OXTR: variants seen among roughly 807,000 people sequenced by gnomAD.
OXTR encodes the protein oxytocin receptor.
OXTR carries 19 observed loss-of-function variants against 23.9 expected under a neutral mutation model. The ratio of observed to expected loss-of-function variants is 0.80; its 90% CI spans 0.56 to 1.17. The LOEUF is 1.17. Ranked by LOEUF, OXTR falls within the 50% of genes most tolerant of loss-of-function variation. OXTR has a pLI of 0.00. For synonymous variants in OXTR, 278 were observed against 250.5 expected, an observed-to-expected ratio of 1.11 and a Z score of -1.04; for missense variants, 500 against 550.7, an observed-to-expected ratio of 0.91 and a Z score of 0.92.
chr3:8,766,908 A>G (rs1219329076), intron 3 of OXTR, among the ~76,000 whole-genome samples: 3 of 152,186 alleles, frequency 2.0e-5, no homozygotes, highest in Non-Finnish European at 4.4e-5. Context: ...ACCACGTGGG[A>G]AAGCAGATGG....
At chr3:8,761,432 C>T (rs921180132) in intron 3 of OXTR, among the ~76,000 whole-genome samples, 7 of 152,072 alleles carry the variant, frequency 4.6e-5, no homozygotes, top group African/African-American at 7.2e-5. Context: ...GCAGGTCCAG[C>T]GATCTAACAA....
In OXTR at chr3:8,767,632, C is replaced by T. The variant is rs761299103; in HGVS notation, c.556G>A (p.Asp186Asn). 2 of 1,613,028 alleles carry T rather than the reference C, an allele frequency of 1.2e-6. No homozygotes were observed. The highest frequency in any genetic ancestry group is 2.2e-5 in the South Asian group (2 of 91,050). The change falls in exon 3 of 4, where the codon GAC (aspartate) becomes AAC (asparagine). Residue 186 changes from aspartate (D) to asparagine (N), a missense_variant. Asp to Asn is a conservative substitution (Grantham distance 23, BLOSUM62 1). Transcript: ENST00000316793. ...SLREVADGVF[D>N]CWAVFIQPWG... The stretch of plus-strand genomic sequence containing the variant: ...GGCTGGATGAAGACGGCCCAGCAGT[C>T]GAAGACGCCGTCAGCCACCTCGCGC...
chr3:8,746,943 T>C (rs1708183274), downstream of OXTR, among the ~76,000 whole-genome samples: 1 of 152,178 alleles, frequency 6.6e-6, no homozygotes, highest in Non-Finnish European at 1.5e-5. Flanking sequence ...ATGCTGTATA[T>C]TTCTCTCAGA....
At chr3:8,760,321 C>T (rs141731521) in intron 3 of OXTR, among the ~76,000 whole-genome samples, 137 of 152,334 alleles carry the variant, frequency 9.0e-4, no homozygotes, top group Non-Finnish European at 1.6e-3. Flanking sequence ...TGGGTGTACC[C>T]AGAACTCTGT....
intron 3 of OXTR, among the ~76,000 whole-genome samples, chr3:8,756,257 C>A (rs533180342): frequency 6.6e-6 from 1 of 152,268 alleles, no homozygotes; most frequent in South Asian, 2.1e-4. Flanking sequence ...GAGGATGTGA[C>A]AATGCTGACC....
chr3:8,746,536 G>A (rs1243746288), downstream of OXTR: 1 of 152,138 alleles, frequency 6.6e-6, no homozygotes, highest in Non-Finnish European at 1.5e-5. Flanking sequence ...GGAGGAAAAT[G>A]ACCCTTGGGC....
intron 3 of OXTR, among the ~76,000 whole-genome samples, chr3:8,762,189 C>T (rs13326924): frequency 0.033 from 5,099 of 152,276 alleles, 295 homozygotes; most frequent in African/African-American, 0.11. Flanking sequence ...ATCCGAGGCC[C>T]TCCACAACCC....
At chr3:8,744,707 C>T in the OXTR span, 6 of 152,170 alleles carry the variant, frequency 3.9e-5, no homozygotes, top group South Asian at 2.1e-4. Context: ...GCCTGTTCAC[C>T]ATCCAATCCA....
intron 3 of OXTR, among the ~76,000 whole-genome samples, chr3:8,757,207 GA>G (rs113664859): frequency 1.3e-5 from 2 of 149,728 alleles, no homozygotes; most frequent in East Asian, 1.9e-4. Context: ...TTGAGAAAAT[GA>G]AAAAAAAATT....
In OXTR at chr3:8,768,374, T is replaced by C. The variant is rs201266922; in HGVS notation, c.-142-45A>G. 2 of 950,512 alleles carry C rather than the reference T, an allele frequency of 2.1e-6. No individual in the cohort carries two copies. The highest frequency in any genetic ancestry group is 2.7e-6 in the Non-Finnish European group (2 of 739,526). 58.9% of individuals were successfully genotyped at this position (950,512 alleles called of 1,614,324 possible). ...CCGTGAGGAGACCGCCGCGTTTCTC[T>C]TCCGACGCGGGTAGGGCGTGCTTGT... On this transcript the variant is annotated intron_variant, in intron 2 of 3. Transcript: ENST00000316793. This position sits in a 1 kb window ranked among gnomAD's most constrained non-coding sequence, Gnocchi z 5.4.
At chr3:8,766,496 C>T (rs945862139) in intron 3 of OXTR, among the ~76,000 whole-genome samples, 1 of 152,162 alleles carries the variant, frequency 6.6e-6, no homozygotes, top group Non-Finnish European at 1.5e-5. Context: ...ATCACCCAGC[C>T]TCCCCCTCAA....
chr3:8,753,961 G>C (rs547352541), intron 3 of OXTR, among the ~76,000 whole-genome samples: 1 of 152,286 alleles, frequency 6.6e-6, no homozygotes, highest in East Asian at 1.9e-4. Context: ...TTTCCAGGCA[G>C]AGCAGGGAAG....
Position 8,768,031 on chromosome 3 carries a change from C to T in OXTR, c.157G>A (p.Ala53Thr). Residue 53 changes from alanine (A) to threonine (T), a missense_variant, in exon 3 of 4, where the codon GCG (alanine) becomes ACG (threonine). Coordinates refer to ENST00000316793, the MANE Select transcript of OXTR (RefSeq NM_000916.4). The surrounding 1 kb of genome is among the most constrained non-coding windows in gnomAD (Gnocchi z 5.4). ...VAVLCLILLLALSGNACVLLA... is the reference protein window; with the variant it reads ...VAVLCLILLLTLSGNACVLLA... Reference sequence around the variant, plus strand: ...AGCACACACGCGTTCCCGCTCAGCGCCAGGAGCAGGATGAGACACAGCACC... The same window carrying T: ...AGCACACACGCGTTCCCGCTCAGCGTCAGGAGCAGGATGAGACACAGCACC... The T allele has an allele frequency of 6.2e-7, 1 of 1,603,822 alleles. No homozygotes were observed. The highest frequency in any genetic ancestry group is 8.5e-7 in the Non-Finnish European group (1 of 1,176,038).
At chr3:8,745,481 C>A (rs80340058), downstream of OXTR, 3 of 1,147,096 alleles carry the variant, frequency 2.6e-6, no homozygotes, top group Non-Finnish European at 3.9e-6. The surrounding 1 kb of genome is among the most constrained non-coding windows in gnomAD (Gnocchi z 4.8). Flanking sequence ...GCTTGAGAAG[C>A]GGGTGGCTTC....
At chr3:8,761,263 T>C (rs1222218688) in intron 3 of OXTR, among the ~76,000 whole-genome samples, 1 of 152,108 alleles carries the variant, frequency 6.6e-6, no homozygotes, top group African/African-American at 2.4e-5. Flanking sequence ...ACAGGGAGGA[T>C]GAGAGGGGCA....
At chr3:8,745,429 G>T, downstream of OXTR, 2 of 921,464 alleles carry the variant, frequency 2.2e-6, no homozygotes, top group Non-Finnish European at 1.8e-6. This position sits in a 1 kb window ranked among gnomAD's most constrained non-coding sequence, Gnocchi z 4.8. Context: ...AGGTTAACCT[G>T]ACCTCTAGGG....
At chr3:8,767,101 C>T (rs550982274) in intron 3 of OXTR, among the ~76,000 whole-genome samples, 165 bp downstream of exon 3, 3 of 152,146 alleles carry the variant, frequency 2.0e-5, no homozygotes, top group Non-Finnish European at 4.4e-5. Flanking sequence ...AGGTTAATTG[C>T]CCTAAGTCAC....
At position 8,764,875 on chromosome 3, in the gene OXTR, G is replaced by C. The variant is rs62243373; in HGVS notation, c.922+2391C>G. Among the ~76,000 whole-genome samples, 394 of 152,340 alleles carry C rather than the reference G, an allele frequency of 2.6e-3. 2 individuals are homozygous for C. The highest frequency in any genetic ancestry group is 0.014 in the Middle Eastern group (4 of 294). Reference sequence around the variant, plus strand: ...TGGATTCTTCTCAGTACCTGAGACAGAATGCTGAGGAGGACCAAGAGAAGC... The same window carrying C: ...TGGATTCTTCTCAGTACCTGAGACACAATGCTGAGGAGGACCAAGAGAAGC... On this transcript the variant is annotated intron_variant, in intron 3 of 3. Transcript: ENST00000316793.
intron 3 of OXTR, among the ~76,000 whole-genome samples, chr3:8,756,298 G>C (rs1421611783): frequency 6.6e-6 from 1 of 152,214 alleles, no homozygotes; most frequent in Non-Finnish European, 1.5e-5. Context: ...CCGCCCAGGA[G>C]AGTACAGTTT....
Sources: allele counts gnomAD v4.1 joint callset (sites outside exome capture counted in the v4.1 genomes callset), GRCh38; gene constraint gnomAD v4.1.1; non-coding constraint Gnocchi (gnomAD v3.1); transcripts MANE v1.5; gene names NCBI Gene and HGNC (gene_info 2026-07-23, HGNC 2026-07-21).